Variants in ATP6V0A4 observed in about 807,000 individuals in gnomAD.
The protein encoded by ATP6V0A4 is ATPase H+ transporting V0 subunit a4, also known as V-type proton ATPase 116 kDa subunit a 4.
ATP6V0A4 carries 86 observed loss-of-function variants against 107.3 expected under a neutral mutation model. That is an observed-to-expected ratio of 0.80 (90% CI 0.67 to 0.96). ATP6V0A4 has a LOEUF of 0.96. ATP6V0A4 is among the 40% of genes least tolerant of loss of function. ATP6V0A4 has a pLI of 0.00. For synonymous variants in ATP6V0A4, 353 were observed against 381.4 expected (o/e 0.93, Z 0.87); for missense variants, 908 against 1,045.6 (o/e 0.87, Z 1.81).
chr7:138,791,984 C>G (rs1295974195), intron 1 of ATP6V0A4, among the ~76,000 whole-genome samples: 2 of 152,048 alleles, frequency 1.3e-5, no homozygotes, highest in Non-Finnish European at 2.9e-5. Context: ...ATGTGTATAA[C>G]TAACATACAT....
At chr7:138,728,654 T>G in intron 18 of ATP6V0A4, 107 bp downstream of exon 18, 1 of 1,500,474 alleles carries the variant, frequency 6.7e-7, no homozygotes, top group Non-Finnish European at 9.3e-7. Flanking sequence ...AACACCATTC[T>G]TCTGGCCCTG....
chr7:138,778,122 C>T (rs1563017538), intron 2 of ATP6V0A4, among the ~76,000 whole-genome samples: 1 of 152,028 alleles, frequency 6.6e-6, no homozygotes, highest in African/African-American at 2.4e-5. Flanking sequence ...GCCTGTAATC[C>T]CAGCACTTTG....
intron 1 of ATP6V0A4, among the ~76,000 whole-genome samples, chr7:138,791,853 C>T (rs10251781): frequency 0.052 from 7,956 of 151,990 alleles, 684 homozygotes; most frequent in African/African-American, 0.18. Context: ...AGATGGAAGA[C>T]CAGACATGCA....
At chr7:138,728,587 C>T (rs1321846410) in intron 18 of ATP6V0A4, among the ~76,000 whole-genome samples, 174 bp downstream of exon 18, 1 of 152,002 alleles carries the variant, frequency 6.6e-6, no homozygotes, top group African/African-American at 2.4e-5. Context: ...ATAAGACGGC[C>T]CAGTGGAAAA....
At chr7:138,747,653 A>G in intron 12 of ATP6V0A4, 89 bp from the exon 13 acceptor site, 3 of 1,564,182 alleles carry the variant, frequency 1.9e-6, no homozygotes, top group Non-Finnish European at 2.6e-6. Flanking sequence ...CACGATTTGC[A>G]TGCGGGTTTC....
intron 2 of ATP6V0A4, among the ~76,000 whole-genome samples, chr7:138,785,655 C>CAA (rs1161910892): frequency 1.3e-5 from 2 of 152,002 alleles, no homozygotes; most frequent in African/African-American, 4.8e-5. Flanking sequence ...CACTCATAAA[C>CAA]AAAGTGTTTG....
chr7:138,755,715 T>C lies in ATP6V0A4; in HGVS notation c.790A>G (p.Asn264Asp), dbSNP rs1386329721. 7.4e-6 allele frequency: 12 copies of C among 1,613,794 alleles called. No homozygotes were observed. The Admixed American group carries it at 1.7e-4, about 22-fold the overall frequency. ...GTGATTAAATCTTCCAGCCTCACAT[T>C]GACGCTCTCCAACATCTCTCTGCGC... ...VERREMLESV[N>D]VRLEDLITVI... The change falls in exon 10 of 22, where the codon AAT becomes GAT. Residue 264 changes from asparagine (N) to aspartate (D), a missense_variant. Coordinates refer to ENST00000310018, the MANE Select transcript of ATP6V0A4 (RefSeq NM_020632.3).
rs1804027258 is a variant in ATP6V0A4 at position 138,716,280 on chromosome 7, G to A, written c.2140-399C>T. 2.0e-5 allele frequency among the ~76,000 whole-genome samples: 3 copies of A among 152,146 alleles called. No individual in the cohort carries two copies. The South Asian group carries it at 6.2e-4, about 32-fold the overall frequency. On this transcript the variant is annotated intron_variant, in intron 19 of 21. Coordinates refer to ENST00000310018, the MANE Select transcript of ATP6V0A4 (RefSeq NM_020632.3). Reference sequence around the variant, plus strand: ...AAGTCGGAAAGAAAACAATTTGGCTGGAACTGGGAGCTTGTTTAGGTGAGG... The same window carrying A: ...AAGTCGGAAAGAAAACAATTTGGCTAGAACTGGGAGCTTGTTTAGGTGAGG...
chr7:138,759,803 G>T lies in ATP6V0A4; in HGVS notation c.588C>A (p.Asn196Lys), dbSNP rs144172463. The change falls in exon 8 of 22, where the codon AAC (asparagine) becomes AAA (lysine). Residue 196 changes from asparagine to lysine, a missense_variant. Coordinates refer to ENST00000310018, the MANE Select transcript of ATP6V0A4 (RefSeq NM_020632.3). ...ERLLWRICRGNVYLKFSEMDA... is the reference protein window; with the variant it reads ...ERLLWRICRGKVYLKFSEMDA... ...CCATCTCACTGAACTTCAAGTACAC[G>T]TTTCCTCGGCAGATTCGCCACAGTA... 1.2e-6 allele frequency: 2 copies of T among 1,614,138 alleles called. No individual in the cohort carries two copies. The highest frequency in any genetic ancestry group is 2.2e-5 in the East Asian group (1 of 44,876).
chr7:138,744,181 C>T (rs953544277), intron 14 of ATP6V0A4, among the ~76,000 whole-genome samples: 1 of 151,808 alleles, frequency 6.6e-6, no homozygotes, highest in African/African-American at 2.4e-5. Context: ...CCAACTCTGT[C>T]AGCCACAGGA....
At chr7:138,711,739 T>C (rs185451971) in intron 20 of ATP6V0A4, among the ~76,000 whole-genome samples, 1 of 152,252 alleles carries the variant, frequency 6.6e-6, no homozygotes, top group Non-Finnish European at 1.5e-5. Context: ...TCGTGTGATC[T>C]TCACAGCTCA....
chr7:138,770,232 A>C (rs1002834752), intron 3 of ATP6V0A4, among the ~76,000 whole-genome samples: 9 of 151,990 alleles, frequency 5.9e-5, no homozygotes, highest in Non-Finnish European at 8.8e-5. Context: ...AAAGAAAAGA[A>C]AAAAGGAAGG....
chr7:138,780,030 TTA>T (rs1157332202), intron 2 of ATP6V0A4: 1 of 152,214 alleles, frequency 6.6e-6, no homozygotes, highest in Non-Finnish European at 1.5e-5. Context: ...TTGTGGTTCT[TTA>T]CCTGGTGGAG....
At chr7:138,709,920 C>T (rs984120218) in intron 20 of ATP6V0A4, 125 bp from the exon 21 acceptor site, 3 of 1,152,288 alleles carry the variant, frequency 2.6e-6, no homozygotes, top group Admixed American at 5.8e-5. Context: ...CACTCTGTTG[C>T]CTAGGATGGT....
chr7:138,724,027 A>G (rs1425773794), intron 18 of ATP6V0A4, among the ~76,000 whole-genome samples: 2 of 8,200 alleles, frequency 2.4e-4, no homozygotes, highest in Non-Finnish European at 4.0e-4. Flanking sequence ...CCATCTCTCA[A>G]AAAAAAAAAA....
intron 5 of ATP6V0A4, 126 bp from the exon 6 acceptor site, chr7:138,763,151 A>T: frequency 7.5e-7 from 1 of 1,338,850 alleles, no homozygotes. Flanking sequence ...GCAGACCCTA[A>T]TACACATACA....
intron 18 of ATP6V0A4, 174 bp from the exon 19 acceptor site, chr7:138,722,199 A>T (rs1019643896): frequency 3.1e-6 from 2 of 652,948 alleles, no homozygotes; most frequent in African/African-American, 4.0e-5. Flanking sequence ...CACAATTATC[A>T]CCCTATTTTC....
intron 1 of ATP6V0A4, among the ~76,000 whole-genome samples, chr7:138,795,156 T>A (rs1030857114): frequency 1.3e-5 from 2 of 152,100 alleles, no homozygotes; most frequent in Non-Finnish European, 2.9e-5. Flanking sequence ...CCTGCCTCAG[T>A]TTCCCAAAGT....
intron 1 of ATP6V0A4, among the ~76,000 whole-genome samples, chr7:138,796,935 A>G (rs919015961): frequency 7.9e-5 from 12 of 152,180 alleles, no homozygotes; most frequent in Non-Finnish European, 1.5e-4. Context: ...CCTCAGCTCA[A>G]AATCTCTACA....
Sources: gnomAD v4.1 joint callset for allele counts (sites outside exome capture counted in the v4.1 genomes callset) on GRCh38, gnomAD v4.1.1 for gene constraint, MANE v1.5 for transcripts, NCBI Gene and HGNC (gene_info 2026-07-23, HGNC 2026-07-21) for gene names.